Variants in NAV2 observed in about 807,000 individuals in gnomAD.
The protein encoded by NAV2 is neuron navigator 2.
Under a neutral mutation model 223.2 loss-of-function variants are expected in NAV2, and 54 were observed. The observed-to-expected ratio is 0.24, with a 90% CI of 0.19 to 0.30. The LOEUF (loss-of-function observed/expected upper bound fraction) is 0.30, where lower values mean the gene tolerates loss of function less well. Among genes scored for constraint, NAV2 ranks in the 10% least tolerant of loss-of-function variants. The pLI is 1.00. For missense variants in NAV2, 2,806 were observed against 3,147.5 expected (o/e 0.89, Z 2.60); for synonymous variants, 1,279 against 1,239.3 (o/e 1.03, Z -0.67).
intron 1 of NAV2, among the ~76,000 whole-genome samples, chr11:19,790,072 T>C (rs1285716010): frequency 6.6e-6 from 1 of 152,196 alleles, no homozygotes; most frequent in African/African-American, 2.4e-5. Flanking sequence ...TCTGGTAAAT[T>C]GCCCAGGATT....
intron 10 of NAV2, among the ~76,000 whole-genome samples, chr11:19,968,631 T>C (rs542237080): frequency 6.6e-6 from 1 of 152,358 alleles, no homozygotes; most frequent in East Asian, 1.9e-4. Context: ...ATTATGATTT[T>C]AGCTTATCTG....
At chr11:20,076,759 T>C (rs2059781662) in intron 22 of NAV2, among the ~76,000 whole-genome samples, 1 of 152,212 alleles carries the variant, frequency 6.6e-6, no homozygotes, top group Non-Finnish European at 1.5e-5. Context: ...TTAAACTTAC[T>C]CTTTTTTTGT....
chr11:19,633,232 G>A (rs761194744), intron 1 of NAV2, among the ~76,000 whole-genome samples: 8 of 152,106 alleles, frequency 5.3e-5, no homozygotes, highest in Non-Finnish European at 1.0e-4. Context: ...CTCCCTGCCC[G>A]CAATTCAGGG....
At chr11:19,386,973 G>A (rs1849067263) in intron 1 of NAV2, among the ~76,000 whole-genome samples, 1 of 152,086 alleles carries the variant, frequency 6.6e-6, no homozygotes. Context: ...TGCTTATCAA[G>A]GCTACACAGG....
chr11:19,757,452 G>A (rs1246126955), intron 1 of NAV2, among the ~76,000 whole-genome samples: 1 of 152,204 alleles, frequency 6.6e-6, no homozygotes, highest in Non-Finnish European at 1.5e-5. Context: ...CAAGAAGAGA[G>A]TTTGAATTTC....
intron 29 of NAV2, 146 bp from the exon 30 acceptor site, chr11:20,095,526 T>C (rs2061191089): frequency 4.7e-6 from 3 of 639,518 alleles, no homozygotes; most frequent in Non-Finnish European, 8.5e-6. Flanking sequence ...TACTTCCACC[T>C]AAGTTATACC....
chr11:20,079,122 C>T (rs1308833124), intron 24 of NAV2, among the ~76,000 whole-genome samples: 1 of 152,180 alleles, frequency 6.6e-6, no homozygotes, highest in Non-Finnish European at 1.5e-5. Context: ...CTCACTGTAA[C>T]CTCTGCCTCC....
At chr11:19,817,204 G>A (rs1186249532) in intron 1 of NAV2, among the ~76,000 whole-genome samples, 1 of 152,028 alleles carries the variant, frequency 6.6e-6, no homozygotes, top group Non-Finnish European at 1.5e-5. Flanking sequence ...GGTCTGAATG[G>A]CCCTAAGAAA....
chr11:19,539,468 A>G (rs540726755), intron 1 of NAV2, among the ~76,000 whole-genome samples: 2 of 152,276 alleles, frequency 1.3e-5, no homozygotes, highest in South Asian at 4.2e-4. Flanking sequence ...ACTTATTCTA[A>G]TTATATTTAA....
chr11:19,363,161 G>A (rs1259225948), intron 1 of NAV2, among the ~76,000 whole-genome samples: 1 of 152,018 alleles, frequency 6.6e-6, no homozygotes, highest in Non-Finnish European at 1.5e-5. Flanking sequence ...GCCCTGGTGT[G>A]TGATGTTCCC....
chr11:19,410,126 G>A (rs751604870), intron 1 of NAV2, among the ~76,000 whole-genome samples: 2 of 152,174 alleles, frequency 1.3e-5, no homozygotes, highest in Non-Finnish European at 2.9e-5. Context: ...CTTCAGGGGG[G>A]CAGACAGAGG....
intron 36 of NAV2, among the ~76,000 whole-genome samples, chr11:20,109,509 C>T (rs1484569292): frequency 6.6e-6 from 1 of 152,184 alleles, no homozygotes; most frequent in Non-Finnish European, 1.5e-5. Context: ...ACCCAAACAA[C>T]CACTCAGTCA....
At chr11:19,908,932 G>T (rs1213858303) in intron 6 of NAV2, among the ~76,000 whole-genome samples, 3 of 152,160 alleles carry the variant, frequency 2.0e-5, no homozygotes, top group Non-Finnish European at 4.4e-5. Context: ...TTTAAAATTA[G>T]ATTGTGGTGA....
intron 1 of NAV2, among the ~76,000 whole-genome samples, chr11:19,618,400 AGATGGATGGATGGATGGATG>A (rs151139118): frequency 1.5e-5 from 1 of 66,588 alleles, no homozygotes; most frequent in African/African-American, 3.0e-5. Flanking sequence ...ATGGATGAAT[AGATGGATGGATGGATGGATG>A]GATGGATGGA....
At chr11:20,116,926 G>C (rs2063147434) in intron 37 of NAV2, among the ~76,000 whole-genome samples, 1 of 152,192 alleles carries the variant, frequency 6.6e-6, no homozygotes, top group Non-Finnish European at 1.5e-5. Flanking sequence ...GACACACTGG[G>C]AGTGTTTAAT....
At chr11:19,979,194 A>T (rs79644282) in intron 10 of NAV2, 2,829 of 152,324 alleles carry the variant, frequency 0.019, 48 homozygotes, top group Non-Finnish European at 0.03. Context: ...GTTCTGAAAA[A>T]TCTGTAGAAG....
intron 1 of NAV2, among the ~76,000 whole-genome samples, chr11:19,405,231 T>C (rs1849845030): frequency 6.6e-6 from 1 of 152,176 alleles, no homozygotes; most frequent in African/African-American, 2.4e-5. Context: ...GCTCTCTTCA[T>C]GGATGGGGAG....
chr11:19,486,513 A>G (rs1465643268), intron 1 of NAV2, among the ~76,000 whole-genome samples: 2 of 152,270 alleles, frequency 1.3e-5, no homozygotes, highest in South Asian at 4.1e-4. Context: ...CGTGATAGTA[A>G]GTAAGTTCTC....
At chr11:19,426,618 G>A (rs1189463453) in intron 1 of NAV2, among the ~76,000 whole-genome samples, 1 of 152,154 alleles carries the variant, frequency 6.6e-6, no homozygotes, top group Non-Finnish European at 1.5e-5. Context: ...TATGTTTTGG[G>A]GTTCAGGGAG....
Sources: allele counts gnomAD v4.1 joint callset (sites outside exome capture counted in the v4.1 genomes callset), GRCh38; gene constraint gnomAD v4.1.1; transcripts MANE v1.5; gene names NCBI Gene and HGNC (gene_info 2026-07-23, HGNC 2026-07-21).